Variants in VPS53 observed in about 807,000 individuals in gnomAD.
VPS53 encodes the protein VPS53 subunit of GARP complex.
In VPS53, 70 loss-of-function variants were observed where a neutral mutation model predicts 107.0. That is an observed-to-expected ratio of 0.65 (90% CI 0.54 to 0.80). The LOEUF (loss-of-function observed/expected upper bound fraction) is 0.80, where lower values mean the gene tolerates loss of function less well. Ranked by LOEUF, VPS53 falls within the 30% of genes least tolerant of loss-of-function variation. The pLI, the probability that VPS53 is intolerant of heterozygous loss-of-function variation, is 0.00. For missense variants in VPS53, 917 were observed against 1,049.4 expected, an observed-to-expected ratio of 0.87 and a Z score of 1.74; for synonymous variants, 409 against 393.3, an observed-to-expected ratio of 1.04 and a Z score of -0.47.
intron 2 of VPS53, among the ~76,000 whole-genome samples, chr17:702,859 C>T (rs1177620836): frequency 2.0e-5 from 3 of 151,826 alleles, no homozygotes; most frequent in African/African-American, 7.3e-5. Context: ...TCCCTTAATC[C>T]CCTCTGCCAG....
At chr17:571,673 C>T (rs896815901) in intron 13 of VPS53, among the ~76,000 whole-genome samples, 2 of 152,230 alleles carry the variant, frequency 1.3e-5, no homozygotes, top group Non-Finnish European at 2.9e-5. Context: ...CTGCCGAGTG[C>T]CTGCGATTGC....
In VPS53 at chr17:524,090, G is replaced by C. The variant is rs1166234424; in HGVS notation, c.2086-2352C>G. ...GAGGCGGGTGGATCATCTGAGGTCA[G>C]GAGTTCGAGACCAGCCTGGCCAACA... is the stretch of plus-strand genomic sequence containing the variant. On this transcript the variant is annotated intron_variant, in intron 19 of 21. Transcript: ENST00000437048. This position sits in a 1 kb window ranked among gnomAD's most constrained non-coding sequence, Gnocchi z 4.5. Among the ~76,000 whole-genome samples the C allele has an allele frequency of 1.3e-5, 2 of 152,154 alleles. No homozygotes were observed. Among genetic ancestry groups the C allele is most frequent in the Admixed American group, 1.3e-4 (2 of 15,272 alleles).
intron 7 of VPS53, among the ~76,000 whole-genome samples, chr17:640,287 G>A (rs1384072250): frequency 3.3e-5 from 5 of 152,112 alleles, no homozygotes; most frequent in Non-Finnish European, 7.3e-5. Flanking sequence ...AATTTTCCAG[G>A]TGCCGTCTGT....
Position 653,339 on chromosome 17 carries a change from T to C in VPS53, c.560A>G (p.His187Arg), listed in dbSNP as rs1165840152. The change falls in exon 7 of 22, where the codon CAC becomes CGC. Residue 187 changes from histidine (H) to arginine (R), a missense_variant. Physicochemically the swap from His to Arg is conservative, Grantham distance 29. Coordinates refer to ENST00000437048, the MANE Select transcript of VPS53 (RefSeq NM_001128159.3). ...CGGAATCCCCATATACTTGTGGAAGTGCTCCAGGACATTCATCACACCCTG... is the reference window on the plus strand; with the variant it reads ...CGGAATCCCCATATACTTGTGGAAGCGCTCCAGGACATTCATCACACCCTG... Reference protein sequence around the residue: ...LLQGVMNVLEHFHKYMGIPQI... With the variant: ...LLQGVMNVLERFHKYMGIPQI... The C allele has an allele frequency of 6.2e-7, 1 of 1,614,254 alleles. No homozygotes were observed. Among genetic ancestry groups the C allele is most frequent in the Non-Finnish European group, 8.5e-7 (1 of 1,180,042 alleles).
At position 524,013 on chromosome 17, in the gene VPS53, A is replaced by G. The variant is rs1372617867; in HGVS notation, c.2086-2275T>C. ...TATAAAAAAGAAAAACTTTAAGAAGAAAATACAGGGCGCAGTGGCTCATGC... is the reference window on the plus strand; with the variant it reads ...TATAAAAAAGAAAAACTTTAAGAAGGAAATACAGGGCGCAGTGGCTCATGC... On this transcript the variant is annotated intron_variant, in intron 19 of 21. Coordinates refer to ENST00000437048, the MANE Select transcript of VPS53 (RefSeq NM_001128159.3). This position sits in a 1 kb window ranked among gnomAD's most constrained non-coding sequence, Gnocchi z 4.5. Among the ~76,000 whole-genome samples the G allele has an allele frequency of 1.3e-5, 2 of 152,174 alleles. No homozygotes were observed. Among genetic ancestry groups the G allele is most frequent in the Non-Finnish European group, 2.9e-5 (2 of 68,036 alleles).
intron 17 of VPS53, chr17:538,484 C>T (rs755282665): frequency 7.9e-5 from 12 of 152,238 alleles, no homozygotes; most frequent in Non-Finnish European, 1.6e-4. Flanking sequence ...ACTATTTTTA[C>T]AGAGCTCTTG....
chr17:662,985 T>C (rs1971535961), intron 4 of VPS53, among the ~76,000 whole-genome samples: 2 of 151,684 alleles, frequency 1.3e-5, no homozygotes, highest in African/African-American at 4.8e-5. Context: ...GCAGGAGGAT[T>C]GCTTGAGCCC....
At chr17:672,321 C>T (rs1420537827) in intron 4 of VPS53, among the ~76,000 whole-genome samples, 1 of 152,092 alleles carries the variant, frequency 6.6e-6, no homozygotes, top group Admixed American at 6.5e-5. Flanking sequence ...CAACAGGATC[C>T]TTCCAAATAA....
At chr17:600,042 G>A (rs1240490549) in intron 12 of VPS53, 1 of 152,154 alleles carries the variant, frequency 6.6e-6, no homozygotes, top group African/African-American at 2.4e-5. Context: ...AGATGTCAGT[G>A]TTCTGTGTTC....
At chr17:523,351 C>T (rs1908890871) in intron 19 of VPS53, 1 of 152,336 alleles carries the variant, frequency 6.6e-6, no homozygotes, top group South Asian at 2.1e-4. Flanking sequence ...GTGATAACGG[C>T]CAAACTTATA....
intron 2 of VPS53, among the ~76,000 whole-genome samples, chr17:707,945 C>T (rs1220810307): frequency 1.3e-5 from 2 of 152,152 alleles, no homozygotes; most frequent in Non-Finnish European, 2.9e-5. Context: ...CAGAGATCCT[C>T]CAGGATCCTT....
At chr17:559,655 G>A (rs1205635224) in intron 15 of VPS53, among the ~76,000 whole-genome samples, 1 of 152,236 alleles carries the variant, frequency 6.6e-6, no homozygotes, top group Non-Finnish European at 1.5e-5. Flanking sequence ...GCTCCAAGCT[G>A]GGCTGTCTGA....
intron 5 of VPS53, among the ~76,000 whole-genome samples, chr17:660,140 G>C (rs1485616858): frequency 6.6e-6 from 1 of 152,230 alleles, no homozygotes; most frequent in Admixed American, 6.5e-5. Context: ...AGGTTGTAGA[G>C]TCAGACAGAT....
rs1184638230 is a variant in VPS53, at chr17:689,464, A to AT, written c.285+7953dup. On this transcript the variant is annotated intron_variant, in intron 4 of 21. Transcript: ENST00000437048. The stretch of plus-strand genomic sequence containing the variant: ...AGGTTTGTGCCACCATGCTGGACTA[A>AT]TTTTTTTTTTTTTTTTTTTTTTTTT... Among the ~76,000 whole-genome samples, 1,018 of 111,612 alleles carry AT rather than the reference A, an allele frequency of 9.1e-3. 27 individuals carry two copies. The highest frequency in any genetic ancestry group is 0.012 in the East Asian group (37 of 3,168). The allele number at this position is 111,612 out of a possible 152,430, so 73.2% of individuals were successfully genotyped here.
rs1383658189 is a variant in VPS53, at chr17:519,764, G to A, written c.2328+62C>T. ...CCCCGGAACTTATATCCCAATTCCC[G>A]GTTAAGAACCGCTGAGTGTGAGGGG... is the stretch of plus-strand genomic sequence containing the variant. On this transcript the variant is annotated intron_variant, in intron 21 of 21. Transcript: ENST00000437048. The surrounding 1 kb of genome is among the most constrained non-coding windows in gnomAD (Gnocchi z 5.0). The A allele has an allele frequency of 5.6e-6, 7 of 1,259,734 alleles. No homozygotes were observed. In the East Asian group the frequency reaches 7.6e-5, roughly 14 times the overall value. 78.0% of individuals were successfully genotyped at this position (1,259,734 alleles called of 1,614,324 possible). A position where few individuals can be genotyped will look rare whatever the true frequency, so the allele number is the denominator to read the frequency against.
chr17:711,165 C>T (rs79951859), intron 1 of VPS53, among the ~76,000 whole-genome samples: 9,121 of 152,086 alleles, frequency 0.06, 555 homozygotes, highest in East Asian at 0.31. Flanking sequence ...AGCCGAGATT[C>T]TATCACTGAA....
chr17:639,477 G>A (rs1970334780), intron 7 of VPS53, among the ~76,000 whole-genome samples: 1 of 152,174 alleles, frequency 6.6e-6, no homozygotes, highest in Non-Finnish European at 1.5e-5. Flanking sequence ...TGTTCCTTTG[G>A]AGGGGGAGAG....
intron 6 of VPS53, among the ~76,000 whole-genome samples, chr17:654,244 A>G (rs1311633014): frequency 6.6e-6 from 1 of 152,130 alleles, no homozygotes; most frequent in Non-Finnish European, 1.5e-5. Context: ...CTATTAACTG[A>G]AATCTGTAGG....
chr17:646,725 C>T (rs182815295), intron 7 of VPS53, among the ~76,000 whole-genome samples: 131 of 126,104 alleles, frequency 1.0e-3, no homozygotes, highest in Admixed American at 1.6e-3. Flanking sequence ...TCTCCGTGAC[C>T]GCGTGGCCAC....
Sources: allele counts gnomAD v4.1 joint callset (sites outside exome capture counted in the v4.1 genomes callset), GRCh38; gene constraint gnomAD v4.1.1; non-coding constraint Gnocchi (gnomAD v3.1); transcripts MANE v1.5; gene names NCBI Gene and HGNC (gene_info 2026-07-23, HGNC 2026-07-21).